SDC2: variants seen among roughly 807,000 people sequenced by gnomAD.
The protein encoded by SDC2 is syndecan 2, also known as syndecan-2.
In SDC2, 13 loss-of-function variants were observed where a neutral mutation model predicts 22.2. That is an observed-to-expected ratio of 0.59 (90% CI 0.38 to 0.93). The LOEUF is 0.93. Among genes scored for constraint, SDC2 ranks in the 40% least tolerant of loss-of-function variants. The pLI is 0.00. For synonymous variants in SDC2, 94 were observed against 92.8 expected (o/e 1.01, Z -0.07); for missense variants, 235 against 246.8 (o/e 0.95, Z 0.32).
At chr8:96,533,823 G>T (rs2130492554) in intron 1 of SDC2, among the ~76,000 whole-genome samples, 1 of 152,364 alleles carries the variant, frequency 6.6e-6, no homozygotes, top group East Asian at 1.9e-4. Flanking sequence ...GGAGCTGCCT[G>T]CCAGTCCTGC....
In SDC2 at chr8:96,494,162, CG is replaced by C. The variant is rs1262642989; in HGVS notation, c.-108del. The C allele has an allele frequency of 1.7e-6, 2 of 1,162,254 alleles. No homozygotes were observed. The highest frequency in any genetic ancestry group is 2.4e-6 in the Non-Finnish European group (2 of 827,304). The allele number at this position is 1,162,254 out of a possible 1,614,324, so 72.0% of individuals were successfully genotyped here. ...CCCCGAGCCTGAGCCGCAATCGCTG[CG>C]GTACTCTGCTCCGGATTCGTGTGCG... On this transcript the variant is annotated 5_prime_UTR_variant, in exon 1 of 5. Transcript: ENST00000302190.
rs145171704 is a variant in SDC2, at chr8:96,562,095, C to G, written c.61-31385C>G. The stretch of plus-strand genomic sequence containing the variant: ...ACTCAAGGTCATTTTGATTTCCCCC[C>G]CATTGATCTTCTAGGCATTTTGTAG... On this transcript the variant is annotated intron_variant, in intron 1 of 4. Coordinates refer to ENST00000302190, the MANE Select transcript of SDC2 (RefSeq NM_002998.4). 2.0e-5 allele frequency among the ~76,000 whole-genome samples: 3 copies of G among 152,276 alleles called. No individual in the cohort carries two copies. In the South Asian group the frequency reaches 6.2e-4, roughly 32 times the overall value.
chr8:96,598,620 A>G (rs1380185712), intron 2 of SDC2, among the ~76,000 whole-genome samples: 3 of 152,012 alleles, frequency 2.0e-5, no homozygotes, highest in African/African-American at 7.2e-5. Context: ...CCATCTCAAA[A>G]TAAATAAATA....
intron 1 of SDC2, among the ~76,000 whole-genome samples, chr8:96,531,387 T>C (rs1813659025): frequency 1.3e-5 from 2 of 152,210 alleles, no homozygotes; most frequent in Admixed American, 1.3e-4. Flanking sequence ...ATGATTAATA[T>C]TAGTAAATTA....
chr8:96,587,047 C>T (rs1003101182), intron 1 of SDC2, among the ~76,000 whole-genome samples: 1 of 152,108 alleles, frequency 6.6e-6, no homozygotes, highest in South Asian at 2.1e-4. Flanking sequence ...CTCGGCCTCC[C>T]AAGTAGCTGG....
At chr8:96,499,733 AT>A (rs944946257) in intron 1 of SDC2, among the ~76,000 whole-genome samples, 5 of 148,226 alleles carry the variant, frequency 3.4e-5, no homozygotes, top group African/African-American at 5.0e-5. Flanking sequence ...AAGATAGGAC[AT>A]TTTTTTTTCT....
At chr8:96,599,995 A>T (rs571762666) in intron 2 of SDC2, among the ~76,000 whole-genome samples, 27 of 150,322 alleles carry the variant, frequency 1.8e-4, no homozygotes, top group Admixed American at 1.1e-3. Context: ...AATAATAATA[A>T]TTTTTTTTTT....
chr8:96,605,254 T>A (rs943380212), intron 3 of SDC2, among the ~76,000 whole-genome samples: 1 of 152,242 alleles, frequency 6.6e-6, no homozygotes, highest in African/African-American at 2.4e-5. Flanking sequence ...TCCATTTCAT[T>A]TCTCACCAGA....
intron 1 of SDC2, among the ~76,000 whole-genome samples, chr8:96,534,396 T>C (rs902900120): frequency 6.6e-6 from 1 of 152,204 alleles, no homozygotes; most frequent in Non-Finnish European, 1.5e-5. Context: ...GGCAATTTCT[T>C]GTGGTGGCAC....
At chr8:96,506,250 G>C (rs149898609) in intron 1 of SDC2, among the ~76,000 whole-genome samples, 1 of 152,150 alleles carries the variant, frequency 6.6e-6, no homozygotes, top group Non-Finnish European at 1.5e-5. Flanking sequence ...GGTAGAAAGA[G>C]TAAGAAATTG....
At chr8:96,572,058 T>C (rs1306677154) in intron 1 of SDC2, among the ~76,000 whole-genome samples, 1 of 152,166 alleles carries the variant, frequency 6.6e-6, no homozygotes, top group Non-Finnish European at 1.5e-5. Flanking sequence ...CAGTGCTGGC[T>C]CAAGCAGTCT....
intron 1 of SDC2, among the ~76,000 whole-genome samples, chr8:96,512,614 G>C (rs568112674): frequency 1.3e-5 from 2 of 152,148 alleles, no homozygotes; most frequent in Admixed American, 1.3e-4. Flanking sequence ...GAACATGGGG[G>C]TGCTCAAGCC....
At chr8:96,519,425 G>A (rs1813459603) in intron 1 of SDC2, among the ~76,000 whole-genome samples, 1 of 152,114 alleles carries the variant, frequency 6.6e-6, no homozygotes, top group Admixed American at 6.5e-5. Context: ...ATATTTAGTA[G>A]AGAATAAGGA....
chr8:96,589,357 A>G (rs1252535351), intron 1 of SDC2, among the ~76,000 whole-genome samples: 1 of 151,930 alleles, frequency 6.6e-6, no homozygotes, highest in Non-Finnish European at 1.5e-5. Context: ...CACTTGGTAA[A>G]GAACTTTTTT....
At chr8:96,539,891 T>C (rs1813817314) in intron 1 of SDC2, among the ~76,000 whole-genome samples, 1 of 152,190 alleles carries the variant, frequency 6.6e-6, no homozygotes, top group African/African-American at 2.4e-5. Context: ...CACCATATGA[T>C]ATAAATTAAC....
intron 1 of SDC2, among the ~76,000 whole-genome samples, chr8:96,499,223 C>A (rs928047127): frequency 4.6e-5 from 7 of 152,218 alleles, no homozygotes; most frequent in African/African-American, 1.7e-4. Flanking sequence ...CTTTTCATGG[C>A]TGATCCAGCC....
intron 1 of SDC2, among the ~76,000 whole-genome samples, chr8:96,572,602 A>AG (rs1814415124): frequency 6.6e-6 from 1 of 152,150 alleles, no homozygotes; most frequent in African/African-American, 2.4e-5. Flanking sequence ...GTTAAAAAAA[A>AG]CAACAAAGGC....
chr8:96,527,628 G>A (rs1055051476), intron 1 of SDC2, among the ~76,000 whole-genome samples: 2 of 152,162 alleles, frequency 1.3e-5, no homozygotes, highest in African/African-American at 4.8e-5. Flanking sequence ...ACCAGTCCGA[G>A]TTAGACTTGT....
intron 3 of SDC2, among the ~76,000 whole-genome samples, chr8:96,606,108 G>C (rs1815074737): frequency 6.6e-6 from 1 of 152,172 alleles, no homozygotes. Flanking sequence ...GAGTAGTAGA[G>C]CTGAGAAGGA....
Sources: gnomAD v4.1 joint callset for allele counts (sites outside exome capture counted in the v4.1 genomes callset) on GRCh38, gnomAD v4.1.1 for gene constraint, MANE v1.5 for transcripts, NCBI Gene and HGNC (gene_info 2026-07-23, HGNC 2026-07-21) for gene names.